Variants in MDGA2 observed in about 807,000 individuals in gnomAD.
MDGA2 encodes the protein MAM domain containing glycosylphosphatidylinositol anchor 2, also known as MAM domain-containing glycosylphosphatidylinositol anchor protein 2.
A neutral mutation model predicts 117.8 loss-of-function variants in MDGA2; 40 were observed. The ratio of observed to expected loss-of-function variants is 0.34; its 90% CI spans 0.26 to 0.44. The LOEUF is 0.44. MDGA2 is among the 20% of genes least tolerant of loss of function. MDGA2 has a pLI of 1.00. For missense variants in MDGA2, 1,123 were observed against 1,250.6 expected, an observed-to-expected ratio of 0.90 and a Z score of 1.54; for synonymous variants, 452 against 439.0, an observed-to-expected ratio of 1.03 and a Z score of -0.37.
intron 8 of MDGA2, among the ~76,000 whole-genome samples, chr14:47,015,227 A>G (rs1017775432): frequency 1.3e-5 from 2 of 152,046 alleles, no homozygotes; most frequent in Admixed American, 1.3e-4. Context: ...CTGCTCACAG[A>G]TCACCATTAC....
intron 1 of MDGA2, among the ~76,000 whole-genome samples, chr14:47,581,683 CTTCTT>C (rs1896231199): frequency 6.6e-6 from 1 of 152,006 alleles, no homozygotes; most frequent in Admixed American, 6.6e-5. Flanking sequence ...GTATAAAACT[CTTCTT>C]CTCTTTTGCT....
At chr14:47,486,527 G>A (rs758926894) in intron 1 of MDGA2, among the ~76,000 whole-genome samples, 3 of 152,074 alleles carry the variant, frequency 2.0e-5, no homozygotes, top group Non-Finnish European at 4.4e-5. Context: ...GATTGGTTTT[G>A]AAATGTAAAG....
chr14:46,918,109 C>G (rs967955915), intron 10 of MDGA2, among the ~76,000 whole-genome samples: 1 of 152,028 alleles, frequency 6.6e-6, no homozygotes, highest in African/African-American at 2.4e-5. Context: ...CCCAGAGACT[C>G]CAAGAAAACG....
At chr14:47,117,823 G>T (rs947836852) in intron 5 of MDGA2, among the ~76,000 whole-genome samples, 1 of 152,128 alleles carries the variant, frequency 6.6e-6, no homozygotes, top group African/African-American at 2.4e-5. Flanking sequence ...AAGCTCTAGA[G>T]ATCTGTGGTA....
intron 1 of MDGA2, among the ~76,000 whole-genome samples, chr14:47,395,602 A>G (rs886259460): frequency 6.6e-6 from 1 of 152,170 alleles, no homozygotes; most frequent in Non-Finnish European, 1.5e-5. Flanking sequence ...TTTGAGAGTT[A>G]CAATGAAAAC....
intron 3 of MDGA2, among the ~76,000 whole-genome samples, chr14:47,215,632 C>T (rs756107918): frequency 6.6e-6 from 1 of 152,086 alleles, no homozygotes; most frequent in Non-Finnish European, 1.5e-5. Flanking sequence ...ATAGGAATAA[C>T]TACTTTAAAT....
At chr14:46,878,041 T>A (rs921351715) in intron 11 of MDGA2, among the ~76,000 whole-genome samples, 3 of 151,946 alleles carry the variant, frequency 2.0e-5, no homozygotes, top group Non-Finnish European at 4.4e-5. Flanking sequence ...CATCAATGCC[T>A]TTTTGTTTAA....
At chr14:47,391,921 T>A (rs1891903956) in intron 1 of MDGA2, among the ~76,000 whole-genome samples, 1 of 152,168 alleles carries the variant, frequency 6.6e-6, no homozygotes, top group South Asian at 2.1e-4. Context: ...CTCTTTATGT[T>A]AATTATTCTC....
chr14:47,384,105 T>C (rs1461063940), intron 1 of MDGA2, among the ~76,000 whole-genome samples: 1 of 151,988 alleles, frequency 6.6e-6, no homozygotes, highest in Non-Finnish European at 1.5e-5. Flanking sequence ...CTCTCTCCTA[T>C]AATTTCATAT....
intron 1 of MDGA2, among the ~76,000 whole-genome samples, chr14:47,527,242 T>C (rs1425640200): frequency 6.6e-6 from 1 of 152,238 alleles, no homozygotes; most frequent in Non-Finnish European, 1.5e-5. Flanking sequence ...TTAAAGCTAA[T>C]TCACATTCAT....
chr14:47,254,462 C>A (rs1205868559), intron 2 of MDGA2, among the ~76,000 whole-genome samples: 3 of 152,134 alleles, frequency 2.0e-5, no homozygotes, highest in Non-Finnish European at 4.4e-5. Context: ...GCAAGAGTTG[C>A]CTCTCCTCCA....
intron 1 of MDGA2, among the ~76,000 whole-genome samples, chr14:47,647,431 C>CAAA (rs144236928): frequency 6.9e-6 from 1 of 145,810 alleles, no homozygotes; most frequent in African/African-American, 2.5e-5. Flanking sequence ...TTTAAAAAGG[C>CAAA]AAAAAAAAAA....
At chr14:47,586,341 C>A (rs1896324692) in intron 1 of MDGA2, among the ~76,000 whole-genome samples, 1 of 151,878 alleles carries the variant, frequency 6.6e-6, no homozygotes, top group Non-Finnish European at 1.5e-5. Context: ...TCTGTAATGT[C>A]TTCACTCATG....
intron 14 of MDGA2, among the ~76,000 whole-genome samples, chr14:46,869,241 C>T (rs1173416592): frequency 1.3e-5 from 2 of 151,772 alleles, no homozygotes; most frequent in African/African-American, 4.8e-5. Context: ...CCTTAATTTC[C>T]TGATATGATA....
intron 2 of MDGA2, among the ~76,000 whole-genome samples, chr14:47,231,495 C>G (rs947719810): frequency 4.6e-5 from 7 of 152,040 alleles, no homozygotes; most frequent in African/African-American, 1.7e-4. Context: ...ATCAGGAAAC[C>G]TTTCTCCAAG....
chr14:46,847,089 A>C (rs1367183331), intron 15 of MDGA2, among the ~76,000 whole-genome samples: 1 of 152,084 alleles, frequency 6.6e-6, no homozygotes, highest in East Asian at 1.9e-4. Flanking sequence ...CTTTTGAGAA[A>C]TTTATCCAAT....
chr14:46,920,173 AGT>A lies in MDGA2; in HGVS notation c.2090-15_2090-14del. 1 of 1,604,658 alleles carries A rather than the reference AGT, an allele frequency of 6.2e-7. No homozygotes were observed. The highest frequency in any genetic ancestry group is 8.5e-7 in the Non-Finnish European group (1 of 1,176,762). On this transcript the variant is annotated splice_polypyrimidine_tract_variant and intron_variant, in intron 9 of 16. Coordinates refer to ENST00000399232, the MANE Select transcript of MDGA2 (RefSeq NM_001113498.3). ...GCATAGGCCTTTCCTGAAAACAGAA[AGT>A]GTGCTTAAATTTGAATGATGACATA...
intron 1 of MDGA2, among the ~76,000 whole-genome samples, chr14:47,327,538 A>G (rs932117504): frequency 6.6e-6 from 1 of 152,172 alleles, no homozygotes; most frequent in African/African-American, 2.4e-5. Flanking sequence ...TACTGCTGAT[A>G]AATCCTAATG....
At chr14:47,008,416 T>C (rs925432609) in intron 8 of MDGA2, among the ~76,000 whole-genome samples, 2 of 151,886 alleles carry the variant, frequency 1.3e-5, no homozygotes, top group African/African-American at 4.8e-5. Context: ...AGGCAGTAAG[T>C]CTTTGAAACC....
Sources: allele counts gnomAD v4.1 joint callset (sites outside exome capture counted in the v4.1 genomes callset), GRCh38; gene constraint gnomAD v4.1.1; transcripts MANE v1.5; gene names NCBI Gene and HGNC (gene_info 2026-07-23, HGNC 2026-07-21).